PRR16: variants seen among roughly 807,000 people sequenced by gnomAD.
PRR16 encodes protein Largen.
A neutral mutation model predicts 18.2 loss-of-function variants in PRR16; 6 were observed. The ratio of observed to expected loss-of-function variants is 0.33; its 90% CI spans 0.18 to 0.65. The LOEUF is 0.65. Ranked by LOEUF, PRR16 falls within the 30% of genes least tolerant of loss-of-function variation. The pLI, the probability that PRR16 is intolerant of heterozygous loss-of-function variation, is 0.74. For synonymous variants in PRR16, 151 were observed against 147.8 expected (o/e 1.02, Z -0.16); for missense variants, 412 against 376.6 (o/e 1.09, Z -0.78).
the PRR16 span, among the ~76,000 whole-genome samples, chr5:120,724,160 C>A: frequency 6.6e-6 from 1 of 152,014 alleles, no homozygotes; most frequent in Non-Finnish European, 1.5e-5. Flanking sequence ...TTCTTAGGTT[C>A]TCTTCCCTGC....
chr5:120,601,946 A>G lies in PRR16; in HGVS notation c.160-84008A>G, dbSNP rs554854928. On this transcript the variant is annotated intron_variant, in intron 1 of 1. Transcript: ENST00000407149. Reference sequence around the variant, plus strand: ...ATGTGTTTGTTTTTGCACCTGTACCATGCTGTTTTAGTTACTGTAGCCTTG... The same window carrying G: ...ATGTGTTTGTTTTTGCACCTGTACCGTGCTGTTTTAGTTACTGTAGCCTTG... Among the ~76,000 whole-genome samples, 3 of 152,132 alleles carry G rather than the reference A, an allele frequency of 2.0e-5. No homozygotes were observed. In the South Asian group the frequency reaches 6.2e-4, roughly 32 times the overall value.
intron 1 of PRR16, among the ~76,000 whole-genome samples, chr5:120,530,377 A>G (rs1352474858): frequency 6.7e-6 from 1 of 150,038 alleles, no homozygotes; most frequent in Admixed American, 6.7e-5. Context: ...AGCTGTCAGT[A>G]TACATGAATG....
chr5:120,573,812 A>C (rs1314408231), intron 1 of PRR16, among the ~76,000 whole-genome samples: 1 of 152,122 alleles, frequency 6.6e-6, no homozygotes, highest in Admixed American at 6.6e-5. Flanking sequence ...AATTGACCTT[A>C]ATTTTTGAAC....
At chr5:120,522,632 G>A (rs1456541067) in intron 1 of PRR16, among the ~76,000 whole-genome samples, 2 of 152,118 alleles carry the variant, frequency 1.3e-5, no homozygotes, top group Admixed American at 6.6e-5. Context: ...TTGAGATGGA[G>A]TCTCATTCTG....
At chr5:120,474,396 G>A (rs1035592476) in intron 1 of PRR16, among the ~76,000 whole-genome samples, 2 of 152,054 alleles carry the variant, frequency 1.3e-5, no homozygotes, top group Non-Finnish European at 2.9e-5. Context: ...TCTAGATGAT[G>A]CCACATGTCC....
At chr5:120,501,356 T>C (rs1260734171) in intron 1 of PRR16, among the ~76,000 whole-genome samples, 1 of 152,186 alleles carries the variant, frequency 6.6e-6, no homozygotes, top group Non-Finnish European at 1.5e-5. Flanking sequence ...GCTTAACTAG[T>C]TGCCAGATAT....
chr5:120,608,286 C>G (rs766478516), intron 1 of PRR16, among the ~76,000 whole-genome samples: 3 of 152,070 alleles, frequency 2.0e-5, no homozygotes, highest in Non-Finnish European at 2.9e-5. Flanking sequence ...TGAGCCTAGT[C>G]TTGAAGTAAA....
In PRR16 at chr5:120,607,249, A is replaced by G. The variant is rs541276590; in HGVS notation, c.160-78705A>G. ...TATATATCTTAGATTTCTTTTTCAA[A>G]GAGAGGCTGTCTTTTTTCCCCTTTT... On this transcript the variant is annotated intron_variant, in intron 1 of 1. Coordinates refer to ENST00000407149, the MANE Select transcript of PRR16 (RefSeq NM_001300783.2). Among the ~76,000 whole-genome samples the G allele has an allele frequency of 1.8e-3, 277 of 152,326 alleles. 1 individual carries two copies. The highest frequency in any genetic ancestry group is 6.5e-3 in the African/African-American group (271 of 41,580).
chr5:120,547,694 GTACT>G (rs899880008), intron 1 of PRR16, among the ~76,000 whole-genome samples: 7 of 151,974 alleles, frequency 4.6e-5, no homozygotes, highest in African/African-American at 1.7e-4. Context: ...AGTGAGCAAA[GTACT>G]TACTTATTTG....
At chr5:120,785,572 G>GTTTTTTTTTTTTTTTTTT in the PRR16 span, among the ~76,000 whole-genome samples, 653 of 119,798 alleles carry the variant, frequency 5.5e-3, 107 homozygotes, top group African/African-American at 6.7e-3. Context: ...TTTTGTTGTT[G>GTTTTTTTTTTTTTTTTTT]TTGTTTTTTT....
At chr5:120,481,762 A>T (rs1749625118) in intron 1 of PRR16, among the ~76,000 whole-genome samples, 1 of 152,190 alleles carries the variant, frequency 6.6e-6, no homozygotes, top group African/African-American at 2.4e-5. Context: ...ATAAAATTTT[A>T]AATTGTAGCA....
At chr5:120,527,198 A>G (rs917467211) in intron 1 of PRR16, among the ~76,000 whole-genome samples, 2 of 152,218 alleles carry the variant, frequency 1.3e-5, no homozygotes, top group Non-Finnish European at 1.5e-5. Context: ...TATTTGTATA[A>G]CAAACAAATT....
At chr5:120,586,080 G>A (rs1170798488) in intron 1 of PRR16, among the ~76,000 whole-genome samples, 1 of 151,950 alleles carries the variant, frequency 6.6e-6, no homozygotes, top group African/African-American at 2.4e-5. Flanking sequence ...GACTGAGACA[G>A]GAGAATCATG....
chr5:120,657,237 C>G (rs1756012954), intron 1 of PRR16, among the ~76,000 whole-genome samples: 1 of 151,890 alleles, frequency 6.6e-6, no homozygotes, highest in Admixed American at 6.6e-5. Flanking sequence ...CTCTTGCCAG[C>G]CCAGGTTTTA....
At chr5:120,745,545 TAAAACA>T in the PRR16 span, among the ~76,000 whole-genome samples, 1 of 150,840 alleles carries the variant, frequency 6.6e-6, no homozygotes, top group African/African-American at 2.5e-5. Context: ...TGTGGAATAT[TAAAACA>T]AAAACAACAA....
chr5:120,748,386 T>A, the PRR16 span, among the ~76,000 whole-genome samples: 1 of 152,118 alleles, frequency 6.6e-6, no homozygotes, highest in African/African-American at 2.4e-5. Context: ...TACACCATTT[T>A]TTTGCATGTA....
the PRR16 span, among the ~76,000 whole-genome samples, chr5:120,775,927 T>G: frequency 6.6e-6 from 1 of 151,208 alleles, no homozygotes; most frequent in Non-Finnish European, 1.5e-5. Context: ...AGATTACAGG[T>G]GTGAGCCACC....
intron 1 of PRR16, among the ~76,000 whole-genome samples, chr5:120,682,167 G>T (rs1280648965): frequency 1.3e-5 from 2 of 152,106 alleles, no homozygotes; most frequent in Non-Finnish European, 2.9e-5. Context: ...TCACACTCAG[G>T]TGATCTCTTC....
chr5:120,674,563 AT>A (rs1272266458), intron 1 of PRR16, among the ~76,000 whole-genome samples: 33 of 152,096 alleles, frequency 2.2e-4, no homozygotes, highest in Non-Finnish European at 1.6e-4. Flanking sequence ...TGATCATGTG[AT>A]TTGTATTTTT....
Sources: allele counts gnomAD v4.1 joint callset (sites outside exome capture counted in the v4.1 genomes callset), GRCh38; gene constraint gnomAD v4.1.1; transcripts MANE v1.5; gene names NCBI Gene and HGNC (gene_info 2026-07-23, HGNC 2026-07-21).